The following MDGA2 variants were observed in gnomAD, a reference collection of about 807,000 sequenced individuals.
The protein encoded by MDGA2 is MAM domain-containing glycosylphosphatidylinositol anchor protein 2.
In MDGA2, 40 loss-of-function variants were observed where a neutral mutation model predicts 117.8. The observed-to-expected ratio is 0.34, with a 90% confidence interval of 0.26 to 0.44. The LOEUF is 0.44. Ranked by LOEUF, MDGA2 falls within the 20% of genes least tolerant of loss-of-function variation. The pLI is 1.00. For synonymous variants in MDGA2, 452 were observed against 439.0 expected (o/e 1.03, Z -0.37); for missense variants, 1,123 against 1,250.6 (o/e 0.90, Z 1.54).
chr14:47,479,940 A>C (rs1023369413), intron 1 of MDGA2, among the ~76,000 whole-genome samples: 5 of 151,990 alleles, frequency 3.3e-5, no homozygotes, highest in Non-Finnish European at 1.5e-5. Context: ...TTTCCTTGCC[A>C]CTGTATAGGT....
intron 1 of MDGA2, among the ~76,000 whole-genome samples, chr14:47,598,025 C>A (rs1896579947): frequency 6.6e-6 from 1 of 152,072 alleles, no homozygotes. Context: ...CTTTAGTATA[C>A]ATGCTGGAAA....
rs138702938 is a variant in MDGA2 at position 47,624,499 on chromosome 14, C to T, written c.280+50018G>A. Among the ~76,000 whole-genome samples, 11 of 152,264 alleles carry T rather than the reference C, an allele frequency of 7.2e-5. No homozygotes were observed. In the East Asian group the frequency reaches 2.1e-3, roughly 29 times the overall value. On this transcript the variant is annotated intron_variant, in intron 1 of 16. Transcript: ENST00000399232. ...AAACAAACAAATAAATAAATGATAA[C>T]TCTTTTCTATTTACCCATGAGAAAA...
rs1210625934 is a variant in MDGA2 at position 47,286,811 on chromosome 14, ATATATATATATATACATATATATATG to A, written c.420+14574_420+14599del. 1.2e-3 allele frequency among the ~76,000 whole-genome samples: 136 copies of A among 117,364 alleles called. 1 individual carries two copies. The highest frequency in any genetic ancestry group is 0.01 in the Admixed American group (127 of 12,192). The allele number at this position is 117,364 out of a possible 152,430, so 77.0% of individuals were successfully genotyped here. On this transcript the variant is annotated intron_variant, in intron 2 of 16. Coordinates refer to ENST00000399232, the MANE Select transcript of MDGA2 (RefSeq NM_001113498.3). ...CTATCTCAGGCATATCATTATATAT[ATATATATATATATACATATATATATG>A]TATATATATATATACTTTACTATGA...
chr14:47,557,336 A>T (rs1895703750), intron 1 of MDGA2, among the ~76,000 whole-genome samples: 1 of 152,186 alleles, frequency 6.6e-6, no homozygotes, highest in Non-Finnish European at 1.5e-5. Context: ...ATCATGATAA[A>T]ATCAGGAACA....
intron 2 of MDGA2, among the ~76,000 whole-genome samples, chr14:47,226,754 T>C (rs1886517719): frequency 6.6e-6 from 1 of 152,168 alleles, no homozygotes; most frequent in Non-Finnish European, 1.5e-5. Flanking sequence ...ATTATCAGAA[T>C]TCGGTCTCTT....
intron 6 of MDGA2, among the ~76,000 whole-genome samples, chr14:47,091,601 C>T (rs918956523): frequency 1.3e-5 from 2 of 151,912 alleles, no homozygotes; most frequent in African/African-American, 4.8e-5. Context: ...ATTTTAATTC[C>T]ATTTTGGGTG....
At chr14:47,559,177 T>C (rs1001465549) in intron 1 of MDGA2, among the ~76,000 whole-genome samples, 8 of 152,192 alleles carry the variant, frequency 5.3e-5, no homozygotes, top group African/African-American at 1.9e-4. Flanking sequence ...GTATAGATTA[T>C]TTTTTCACCC....
At chr14:47,496,566 T>C (rs148128103) in intron 1 of MDGA2, among the ~76,000 whole-genome samples, 154 of 152,116 alleles carry the variant, frequency 1.0e-3, no homozygotes, top group African/African-American at 3.3e-3. Context: ...ACCTTTTTTA[T>C]AGAAAATTTT....
intron 1 of MDGA2, among the ~76,000 whole-genome samples, chr14:47,352,740 T>C (rs1180635273): frequency 1.3e-5 from 2 of 152,232 alleles, no homozygotes; most frequent in African/African-American, 4.8e-5. Flanking sequence ...TTTCAATATC[T>C]CCCATTTTGT....
chr14:47,088,444 C>T (rs991288540), intron 6 of MDGA2, among the ~76,000 whole-genome samples: 1 of 152,120 alleles, frequency 6.6e-6, no homozygotes, highest in African/African-American at 2.4e-5. Flanking sequence ...TGGTTTTCTA[C>T]AATTTTAGCC....
intron 3 of MDGA2, among the ~76,000 whole-genome samples, chr14:47,199,582 A>C (rs1885414328): frequency 6.6e-6 from 1 of 152,178 alleles, no homozygotes; most frequent in Non-Finnish European, 1.5e-5. Context: ...CTCTGAGGTC[A>C]TACAAATAAC....
intron 1 of MDGA2, among the ~76,000 whole-genome samples, chr14:47,565,017 T>G (rs988532760): frequency 6.6e-6 from 1 of 152,180 alleles, no homozygotes; most frequent in Non-Finnish European, 1.5e-5. Context: ...TGTATAGTTT[T>G]ATTGTATTCT....
At chr14:47,041,038 T>C (rs1889047664) in intron 7 of MDGA2, among the ~76,000 whole-genome samples, 2 of 152,200 alleles carry the variant, frequency 1.3e-5, no homozygotes, top group African/African-American at 2.4e-5. Context: ...ATGAATCATG[T>C]ATATTTTGGA....
intron 8 of MDGA2, among the ~76,000 whole-genome samples, chr14:47,029,837 C>CT (rs200099276): frequency 9.4e-4 from 142 of 150,826 alleles, no homozygotes; most frequent in Admixed American, 1.5e-3. Context: ...TTTTGTTTTT[C>CT]TTTTTTTTTG....
At chr14:47,283,450 T>C (rs1457288476) in intron 2 of MDGA2, among the ~76,000 whole-genome samples, 2 of 152,244 alleles carry the variant, frequency 1.3e-5, no homozygotes, top group South Asian at 2.1e-4. Context: ...GTGTTTTGCA[T>C]GTCACCTAGA....
At chr14:47,595,239 A>AG (rs376885995) in intron 1 of MDGA2, among the ~76,000 whole-genome samples, 2 of 88,704 alleles carry the variant, frequency 2.3e-5, no homozygotes, top group African/African-American at 8.2e-5. Context: ...AGCATTAGAG[A>AG]AAAAAAAAAA....
chr14:47,629,262 T>C (rs1173661426), intron 1 of MDGA2, among the ~76,000 whole-genome samples: 2 of 152,206 alleles, frequency 1.3e-5, no homozygotes, highest in Non-Finnish European at 2.9e-5. Context: ...CAGCATATGA[T>C]TCTTACAACA....
intron 1 of MDGA2, among the ~76,000 whole-genome samples, chr14:47,365,075 T>C (rs1355799214): frequency 6.6e-6 from 1 of 152,220 alleles, no homozygotes; most frequent in Non-Finnish European, 1.5e-5. Flanking sequence ...TTGTAGTTTG[T>C]TTTCTACACC....
intron 11 of MDGA2, among the ~76,000 whole-genome samples, chr14:46,879,537 T>C (rs1882364419): frequency 5.9e-5 from 9 of 152,302 alleles, no homozygotes; most frequent in Admixed American, 3.9e-4. Flanking sequence ...AAACTTATTA[T>C]TAAAAGTAAT....
Sources: gnomAD v4.1 joint callset for allele counts (sites outside exome capture counted in the v4.1 genomes callset) on GRCh38, gnomAD v4.1.1 for gene constraint, MANE v1.5 for transcripts, NCBI Gene and HGNC (gene_info 2026-07-23, HGNC 2026-07-21) for gene names.